Variants in DCDC1 observed in about 807,000 individuals in gnomAD.
The protein encoded by DCDC1 is doublecortin domain containing 1, also known as doublecortin domain-containing protein 1.
In DCDC1, 200 loss-of-function variants were observed where a neutral mutation model predicts 178.3. The ratio of observed to expected loss-of-function variants is 1.12; its 90% CI spans 1.00 to 1.26. DCDC1 has a LOEUF of 1.26. Among genes scored for constraint, DCDC1 ranks in the 50% most tolerant of loss-of-function variants. The pLI is 0.00. For synonymous variants in DCDC1, 690 were observed against 604.8 expected, an observed-to-expected ratio of 1.14 and a Z score of -2.07; for missense variants, 1,983 against 1,749.2, an observed-to-expected ratio of 1.13 and a Z score of -2.38.
intron 9 of DCDC1, among the ~76,000 whole-genome samples, chr11:31,214,336 GAAC>G (rs1331177084): frequency 1.7e-4 from 26 of 152,184 alleles, no homozygotes; most frequent in Non-Finnish European, 1.9e-4. Context: ...ATAAAATTAT[GAAC>G]AACAATTTTT....
chr11:31,288,386 C>T (rs1013723926), intron 7 of DCDC1, among the ~76,000 whole-genome samples: 23 of 151,882 alleles, frequency 1.5e-4, no homozygotes, highest in African/African-American at 5.1e-4. Flanking sequence ...GCTATAATTC[C>T]GGTATTCCAG....
chr11:31,261,432 C>G (rs935330953), intron 8 of DCDC1, among the ~76,000 whole-genome samples: 17 of 152,088 alleles, frequency 1.1e-4, no homozygotes, highest in Admixed American at 9.8e-4. Context: ...GGCCTTCCAT[C>G]TTATTGGGTT....
At chr11:31,210,231 T>C (rs1430431245) in intron 9 of DCDC1, among the ~76,000 whole-genome samples, 1 of 152,204 alleles carries the variant, frequency 6.6e-6, no homozygotes, top group African/African-American at 2.4e-5. Flanking sequence ...AAAGAGAAGG[T>C]AGTTCTTCCA....
intron 2 of DCDC1, among the ~76,000 whole-genome samples, chr11:31,331,208 T>C (rs1434149969): frequency 1.3e-5 from 2 of 152,214 alleles, no homozygotes; most frequent in East Asian, 3.8e-4. Flanking sequence ...ATAAAAATGC[T>C]TGTGATTTTT....
At chr11:30,950,453 C>T (rs1480474184) in intron 21 of DCDC1, among the ~76,000 whole-genome samples, 2 of 152,116 alleles carry the variant, frequency 1.3e-5, no homozygotes, top group African/African-American at 4.8e-5. Context: ...TGGAATCAAC[C>T]TAAGTATTCA....
intron 21 of DCDC1, among the ~76,000 whole-genome samples, chr11:30,945,736 CT>C (rs2134427644): frequency 6.9e-6 from 1 of 145,920 alleles, no homozygotes; most frequent in African/African-American, 2.8e-5. Context: ...ATCTATCTAT[CT>C]ATCTATCTAT....
rs561660809 is a variant in DCDC1 at position 31,222,343 on chromosome 11, G to T, written c.1221+19107C>A. 1.1e-4 allele frequency among the ~76,000 whole-genome samples: 17 copies of T among 152,210 alleles called. 1 individual carries two copies. Among genetic ancestry groups the T allele is most frequent in the East Asian group, 1.9e-4 (1 of 5,180 alleles). On this transcript the variant is annotated intron_variant, in intron 9 of 38. Coordinates refer to ENST00000684477, the MANE Select transcript of DCDC1 (RefSeq NM_001387274.1). ...CCTCCCAAAGTGCTAGGATTACAGA[G>T]TGAGCCACCACGCCTGGCCTCCTCT...
intron 9 of DCDC1, among the ~76,000 whole-genome samples, chr11:31,157,608 T>G (rs1965864012): frequency 6.6e-6 from 1 of 151,938 alleles, no homozygotes; most frequent in Non-Finnish European, 1.5e-5. Context: ...TATTGTGTGA[T>G]TCGATTTATG....
At chr11:30,988,412 G>A (rs770692259) in intron 20 of DCDC1, among the ~76,000 whole-genome samples, 8 of 152,052 alleles carry the variant, frequency 5.3e-5, no homozygotes, top group Non-Finnish European at 1.0e-4. Context: ...CAGCTATTCA[G>A]CTTGAAAAAA....
chr11:31,005,791 A>T (rs778947024), intron 20 of DCDC1, among the ~76,000 whole-genome samples: 1 of 151,522 alleles, frequency 6.6e-6, no homozygotes, highest in Admixed American at 6.6e-5. Context: ...ACCTACAAAA[A>T]CATTTTCTTC....
chr11:31,030,800 C>T (rs1953573149), intron 20 of DCDC1, among the ~76,000 whole-genome samples: 1 of 151,710 alleles, frequency 6.6e-6, no homozygotes, highest in Non-Finnish European at 1.5e-5. Flanking sequence ...TATTTGAGGA[C>T]TAACTTATTA....
At chr11:31,209,781 T>G (rs1972280973) in intron 9 of DCDC1, among the ~76,000 whole-genome samples, 1 of 152,142 alleles carries the variant, frequency 6.6e-6, no homozygotes, top group Non-Finnish European at 1.5e-5. Context: ...TGGAAAGGTA[T>G]GTCAAGAGAG....
intron 20 of DCDC1, among the ~76,000 whole-genome samples, chr11:30,957,296 T>C (rs905137495): frequency 6.6e-6 from 1 of 152,206 alleles, no homozygotes; most frequent in Non-Finnish European, 1.5e-5. Context: ...GCCTTATTTC[T>C]GTGTGTCCCT....
chr11:30,992,203 C>T (rs79752842), intron 20 of DCDC1, among the ~76,000 whole-genome samples: 6,275 of 152,204 alleles, frequency 0.041, 408 homozygotes, highest in African/African-American at 0.14. Context: ...AAAAGAAATG[C>T]TGTATTTTTC....
intron 11 of DCDC1, among the ~76,000 whole-genome samples, chr11:31,119,265 C>T (rs905712841): frequency 3.3e-5 from 5 of 152,192 alleles, no homozygotes; most frequent in Admixed American, 6.5e-5. Flanking sequence ...TTTTGCCCAA[C>T]CTTTAGTGAA....
intron 9 of DCDC1, among the ~76,000 whole-genome samples, chr11:31,182,300 C>A (rs1968908671): frequency 6.6e-6 from 1 of 151,908 alleles, no homozygotes. Context: ...GTCAGATACA[C>A]CAAGATTGAA....
At chr11:31,197,276 A>G (rs948862654) in intron 9 of DCDC1, among the ~76,000 whole-genome samples, 6 of 152,140 alleles carry the variant, frequency 3.9e-5, no homozygotes, top group African/African-American at 1.4e-4. Context: ...TATTATCACA[A>G]CTATTGAGTC....
At chr11:31,109,480 C>G (rs1010418541) in intron 12 of DCDC1, among the ~76,000 whole-genome samples, 12 of 152,104 alleles carry the variant, frequency 7.9e-5, no homozygotes, top group Admixed American at 7.2e-4. Context: ...ATCAAAGTAG[C>G]TTTTCTTCCT....
At chr11:30,985,514 T>G (rs564024076) in intron 20 of DCDC1, among the ~76,000 whole-genome samples, 52 of 152,226 alleles carry the variant, frequency 3.4e-4, no homozygotes, top group Non-Finnish European at 6.3e-4. Context: ...TGTGCAAATC[T>G]TAAATGTATA....
Sources: allele counts gnomAD v4.1 joint callset (sites outside exome capture counted in the v4.1 genomes callset), GRCh38; gene constraint gnomAD v4.1.1; transcripts MANE v1.5; gene names NCBI Gene and HGNC (gene_info 2026-07-23, HGNC 2026-07-21).